Variants in HSP90B1 observed in about 807,000 individuals in gnomAD.
HSP90B1 encodes the protein heat shock protein 90 beta family member 1, also known as endoplasmin.
A neutral mutation model predicts 100.4 loss-of-function variants in HSP90B1; 27 were observed. That is an observed-to-expected ratio of 0.27 (90% CI 0.20 to 0.37). The LOEUF (loss-of-function observed/expected upper bound fraction) is 0.37. Among genes scored for constraint, HSP90B1 ranks in the 10% least tolerant of loss-of-function variants. The pLI, the probability that HSP90B1 is intolerant of heterozygous loss-of-function variation, is 1.00. For synonymous variants in HSP90B1, 304 were observed against 330.8 expected (o/e 0.92, Z 0.88); for missense variants, 678 against 960.5 (o/e 0.71, Z 3.89).
rs568179057 is a variant in HSP90B1, at chr12:103,945,333, A to G, written c.2028-1285A>G. Among the ~76,000 whole-genome samples, 28 of 152,284 alleles carry G rather than the reference A, an allele frequency of 1.8e-4. 1 individual carries two copies. The South Asian group carries it at 5.8e-3, about 32-fold the overall frequency. ...TTTTTATTTAAAAAAGAGGAAAAAA[A>G]GCAAGTCATAATCCGAGCCCTACAT... On this transcript the variant is annotated intron_variant, in intron 14 of 17. Coordinates refer to ENST00000299767, the MANE Select transcript of HSP90B1 (RefSeq NM_003299.3).
chr12:103,939,426 G>A (rs1440488461), intron 7 of HSP90B1, 83 bp from the exon 8 acceptor site: 1 of 626,066 alleles, frequency 1.6e-6, no homozygotes, highest in Non-Finnish European at 2.8e-6. Flanking sequence ...ATAGTCTTTT[G>A]AAATCTACTG....
At chr12:103,934,867 A>G (rs753955733) in intron 5 of HSP90B1, among the ~76,000 whole-genome samples, 3 of 152,158 alleles carry the variant, frequency 2.0e-5, no homozygotes, top group Non-Finnish European at 2.9e-5. Context: ...ACGCCCAGCT[A>G]ATTTTGTATT....
chr12:103,943,036 C>A lies in HSP90B1; in HGVS notation c.1645-38C>A. The A allele has an allele frequency of 1.2e-6, 2 of 1,608,944 alleles. No homozygotes were observed. Among genetic ancestry groups the A allele is most frequent in the Non-Finnish European group, 1.7e-6 (2 of 1,177,334 alleles). ...GCTAGGATAAACAAATACACCAGGG[C>A]CAGACTTGGAAAACTTTGTGACTTC... is the stretch of plus-strand genomic sequence containing the variant. On this transcript the variant is annotated intron_variant, in intron 12 of 17. Transcript: ENST00000299767. This position sits in a 1 kb window ranked among gnomAD's most constrained non-coding sequence, Gnocchi z 5.3.
chr12:103,944,258 C>T (rs1404127167), intron 14 of HSP90B1, among the ~76,000 whole-genome samples: 1 of 152,076 alleles, frequency 6.6e-6, no homozygotes, highest in African/African-American at 2.4e-5. Context: ...AAATCACGTC[C>T]CCCACACCCC....
chr12:103,935,250 G>C (rs1213594005), intron 5 of HSP90B1, among the ~76,000 whole-genome samples: 1 of 152,198 alleles, frequency 6.6e-6, no homozygotes, highest in Admixed American at 6.5e-5. Context: ...TCCCTCTTAA[G>C]CCAGTAACTG....
intron 3 of HSP90B1, among the ~76,000 whole-genome samples, 168 bp from the exon 4 acceptor site, chr12:103,932,658 C>T (rs1386177329): frequency 6.6e-6 from 1 of 152,214 alleles, no homozygotes; most frequent in Non-Finnish European, 1.5e-5. Flanking sequence ...AGTCTAAGGG[C>T]AGTCACATAA....
chr12:103,947,738 G>T lies in HSP90B1; in HGVS notation c.*76G>T, dbSNP rs766319812. On this transcript the variant is annotated 3_prime_UTR_variant, in exon 18 of 18. Transcript: ENST00000299767. Reference sequence around the variant, plus strand: ...CATCATTTCTTTTTGGGAGAGACTTGTTTTGGATGCCCCCTAATCCCCTTC... The same window carrying T: ...CATCATTTCTTTTTGGGAGAGACTTTTTTTGGATGCCCCCTAATCCCCTTC... 14 of 1,224,684 alleles carry T rather than the reference G, an allele frequency of 1.1e-5. No individual in the cohort carries two copies. Among genetic ancestry groups the T allele is most frequent in the African/African-American group, 3.0e-5 (2 of 66,934 alleles). The allele number at this position is 1,224,684 out of a possible 1,614,324, so 75.9% of individuals were successfully genotyped here.
chr12:103,930,470 C>A lies in HSP90B1; in HGVS notation c.-46C>A. ...CGAACCCAGGGGTGGGGGGTGGAGGCGGCTCCTGCGATCGAAGGGGACTTG... is the reference window on the plus strand; with the variant it reads ...CGAACCCAGGGGTGGGGGGTGGAGGAGGCTCCTGCGATCGAAGGGGACTTG... On this transcript the variant is annotated 5_prime_UTR_variant, in exon 1 of 18. Coordinates refer to ENST00000299767, the MANE Select transcript of HSP90B1 (RefSeq NM_003299.3). This position sits in a 1 kb window ranked among gnomAD's most constrained non-coding sequence, Gnocchi z 4.4. 1.3e-6 allele frequency: 2 copies of A among 1,559,850 alleles called. No individual in the cohort carries two copies. The highest frequency in any genetic ancestry group is 1.8e-5 in the Admixed American group (1 of 54,552).
chr12:103,938,515 C>T, intron 7 of HSP90B1, 56 bp downstream of exon 7: 1 of 1,562,004 alleles, frequency 6.4e-7, no homozygotes, highest in South Asian at 1.2e-5. Context: ...TAGGCAAAAC[C>T]AGGAAAACCT....
intron 6 of HSP90B1, 46 bp downstream of exon 6, chr12:103,937,852 T>C (rs754288070): frequency 3.9e-5 from 38 of 963,336 alleles, no homozygotes; most frequent in Non-Finnish European, 5.5e-5. Context: ...CCTTGGCACG[T>C]ATTTAAATAT....
At chr12:103,946,744 G>T (rs754285734) in intron 15 of HSP90B1, 42 bp from the exon 16 acceptor site, 1 of 1,612,868 alleles carries the variant, frequency 6.2e-7, no homozygotes, top group South Asian at 1.1e-5. Context: ...TGAGTACTTT[G>T]TATCTTTTAA....
chr12:103,947,580 T>A, intron 17 of HSP90B1, 53 bp from the exon 18 acceptor site: 1 of 1,548,648 alleles, frequency 6.5e-7, no homozygotes, highest in East Asian at 2.3e-5. Context: ...GTGAGCTAGG[T>A]TTTTTTTCTG....
Position 103,945,667 on chromosome 12 carries a change from A to G in HSP90B1, c.2028-951A>G, listed in dbSNP as rs530398142. Among the ~76,000 whole-genome samples, 19 of 152,306 alleles carry G rather than the reference A, an allele frequency of 1.2e-4. No individual in the cohort carries two copies. In the South Asian group the frequency reaches 3.9e-3, roughly 32 times the overall value. ...TAAGAGGGAACAAACAGGACATTAAATCAGTTCGTCTGTTCAGCAGTGCTC... is the reference window on the plus strand; with the variant it reads ...TAAGAGGGAACAAACAGGACATTAAGTCAGTTCGTCTGTTCAGCAGTGCTC... On this transcript the variant is annotated intron_variant, in intron 14 of 17. Coordinates refer to ENST00000299767, the MANE Select transcript of HSP90B1 (RefSeq NM_003299.3).
rs780670974 is a variant in HSP90B1, at chr12:103,946,911, C to G, written c.2232C>G (p.Arg744=). 1.2e-6 allele frequency: 2 copies of G among 1,613,914 alleles called. No individual in the cohort carries two copies. Among genetic ancestry groups the G allele is most frequent in the Non-Finnish European group, 1.7e-6 (2 of 1,179,962 alleles). ...AYGDRIERML[R]LSLNIDPDAK... ...GAGATAGAATAGAAAGAATGCTTCG[C>G]CTCAGTTTGAACATTGACCCTGATG... Residue 744 remains arginine, a synonymous_variant, in exon 16 of 18, where the codon CGC becomes CGG. Coordinates refer to ENST00000299767, the MANE Select transcript of HSP90B1 (RefSeq NM_003299.3).
At chr12:103,944,121 A>G (rs1040246734) in intron 14 of HSP90B1, among the ~76,000 whole-genome samples, 1 of 152,212 alleles carries the variant, frequency 6.6e-6, no homozygotes, top group Non-Finnish European at 1.5e-5. Flanking sequence ...TTAATGTGTT[A>G]TGCATAGTCT....
Position 103,941,816 on chromosome 12 carries a change from C to CT in HSP90B1, c.1309-12dup. 6.2e-7 allele frequency: 1 copy of CT among 1,613,252 alleles called. No homozygotes were observed. The highest frequency in any genetic ancestry group is 8.5e-7 in the Non-Finnish European group (1 of 1,179,238). On this transcript the variant is annotated splice_polypyrimidine_tract_variant and intron_variant, in intron 10 of 17. Coordinates refer to ENST00000299767, the MANE Select transcript of HSP90B1 (RefSeq NM_003299.3). ...GTGGTTTTATTGCTCACTGAACTTT[C>CT]TTTTGCCATCTGAAGGTGGACTCAG...
At chr12:103,937,262 T>A (rs1869945417) in intron 5 of HSP90B1, among the ~76,000 whole-genome samples, 1 of 152,194 alleles carries the variant, frequency 6.6e-6, no homozygotes, top group South Asian at 2.1e-4. Flanking sequence ...ATAAACCAGA[T>A]TAATTTTCTA....
At chr12:103,932,256 T>C (rs763277768) in intron 2 of HSP90B1, 21 bp from the exon 3 acceptor site, 17 of 1,593,664 alleles carry the variant, frequency 1.1e-5, no homozygotes, top group Non-Finnish European at 1.3e-5. Flanking sequence ...CAATATTTGC[T>C]TACCTAACTG....
rs148706377 is a variant in HSP90B1 at position 103,931,613 on chromosome 12, G to C, written c.142G>C (p.Val48Leu). ...SREGSRTDDE[V>L]VQREEEAIQL... ...AGAAGGATCAAGGACGGATGATGAA[G>C]TAGTACAGAGGTTTGTGTTCATTTG... The change falls in exon 2 of 18, where the codon GTA (valine) becomes CTA (leucine). Residue 48 changes from valine (V) to leucine (L), a missense_variant. Val to Leu is a conservative substitution (Grantham distance 32). This residue lies in a region of HSP90B1 where 88 missense variants were observed against 88.2 expected (regional missense o/e 1.00). Transcript: ENST00000299767. The C allele has an allele frequency of 3.1e-6, 5 of 1,610,370 alleles. No individual in the cohort carries two copies. In the East Asian group the frequency reaches 1.1e-4, roughly 36 times the overall value.
Sources: allele counts gnomAD v4.1 joint callset (sites outside exome capture counted in the v4.1 genomes callset), GRCh38; gene constraint gnomAD v4.1.1; regional missense constraint gnomAD v4.1.1; non-coding constraint Gnocchi (gnomAD v3.1); transcripts MANE v1.5; gene names NCBI Gene and HGNC (gene_info 2026-07-23, HGNC 2026-07-21).